PDZD2: variants seen among roughly 807,000 people sequenced by gnomAD.
PDZD2 encodes PDZ domain containing 2, also known as PDZ domain-containing protein 2.
A neutral mutation model predicts 220.7 loss-of-function variants in PDZD2; 90 were observed. The ratio of observed to expected loss-of-function variants is 0.41; its 90% CI spans 0.34 to 0.49. The LOEUF is 0.49. PDZD2 is among the 20% of genes least tolerant of loss of function. The pLI is 0.28. For missense variants in PDZD2, 3,174 were observed against 3,608.5 expected, an observed-to-expected ratio of 0.88 and a Z score of 3.08; for synonymous variants, 1,375 against 1,450.5, an observed-to-expected ratio of 0.95 and a Z score of 1.18.
At chr5:31,882,211 G>A (rs1739995082) in intron 2 of PDZD2, among the ~76,000 whole-genome samples, 1 of 152,176 alleles carries the variant, frequency 6.6e-6, no homozygotes, top group Non-Finnish European at 1.5e-5. Context: ...TGAAGCATAA[G>A]GCCTATTGCT....
chr5:31,957,091 C>T (rs895793588), intron 2 of PDZD2, among the ~76,000 whole-genome samples: 1 of 152,122 alleles, frequency 6.6e-6, no homozygotes, highest in Non-Finnish European at 1.5e-5. Flanking sequence ...TTCTGATTCT[C>T]TATGTTCTCA....
At chr5:31,885,029 C>A (rs148504196) in intron 2 of PDZD2, among the ~76,000 whole-genome samples, 1 of 151,428 alleles carries the variant, frequency 6.6e-6, no homozygotes, top group Non-Finnish European at 1.5e-5. Flanking sequence ...CCAAGAGAAA[C>A]GTACAAAACA....
intron 1 of PDZD2, among the ~76,000 whole-genome samples, chr5:31,785,105 G>A (rs1304809221): frequency 2.6e-5 from 4 of 152,208 alleles, no homozygotes; most frequent in Middle Eastern, 3.4e-3. Flanking sequence ...TGCCTTCAGG[G>A]TAAGCATGCA....
At chr5:32,059,201 T>C (rs746353681) in intron 12 of PDZD2, 38 bp from the exon 13 acceptor site, 1 of 1,120,346 alleles carries the variant, frequency 8.9e-7, no homozygotes, top group South Asian at 1.3e-5. Context: ...GATTGTGTAA[T>C]TTTTGTTTTT....
intron 1 of PDZD2, among the ~76,000 whole-genome samples, chr5:31,732,433 C>CA (rs1266108737): frequency 6.6e-6 from 1 of 152,202 alleles, no homozygotes; most frequent in Non-Finnish European, 1.5e-5. Flanking sequence ...ACCTCAGATG[C>CA]AAAGACCGGC....
chr5:31,688,331 C>G (rs1356578492), intron 1 of PDZD2, among the ~76,000 whole-genome samples: 1 of 152,182 alleles, frequency 6.6e-6, no homozygotes, highest in Non-Finnish European at 1.5e-5. Flanking sequence ...CCTGGTGAGA[C>G]TAACCAAGTC....
intron 2 of PDZD2, among the ~76,000 whole-genome samples, chr5:31,965,891 C>T (rs531516191): frequency 3.0e-4 from 46 of 151,974 alleles, no homozygotes; most frequent in Non-Finnish European, 5.2e-4. Context: ...AGTGAAACTC[C>T]GTCTCCAAAA....
At chr5:31,681,698 T>G (rs1746657290) in intron 1 of PDZD2, among the ~76,000 whole-genome samples, 1 of 152,196 alleles carries the variant, frequency 6.6e-6, no homozygotes, top group Admixed American at 6.5e-5. Context: ...ACTATAAAAC[T>G]TCTCAAAAGT....
At chr5:31,820,381 G>C (rs996976406) in intron 2 of PDZD2, among the ~76,000 whole-genome samples, 1 of 144,924 alleles carries the variant, frequency 6.9e-6, no homozygotes, top group African/African-American at 2.5e-5. Flanking sequence ...AGTGGAACCA[G>C]ATTGGTCTGG....
chr5:32,014,980 C>T (rs1217969746), intron 6 of PDZD2, among the ~76,000 whole-genome samples: 12 of 115,820 alleles, frequency 1.0e-4, no homozygotes, highest in Non-Finnish European at 1.5e-4. Flanking sequence ...CTCACTCTGT[C>T]GCCCAGGCTG....
chr5:31,850,826 C>T (rs528801002), intron 2 of PDZD2, among the ~76,000 whole-genome samples: 63 of 151,948 alleles, frequency 4.1e-4, no homozygotes, highest in Admixed American at 1.4e-3. Context: ...TTAGTAGAGA[C>T]GGAGTTTCGC....
intron 1 of PDZD2, among the ~76,000 whole-genome samples, chr5:31,710,961 G>T (rs1257885056): frequency 6.6e-6 from 1 of 152,126 alleles, no homozygotes; most frequent in East Asian, 1.9e-4. Context: ...CGTACATGTT[G>T]TAAAAAGAAA....
At chr5:31,822,643 GT>G in intron 2 of PDZD2, 1 of 1,332,182 alleles carries the variant, frequency 7.5e-7, no homozygotes, top group South Asian at 1.2e-5. Flanking sequence ...TTTTAACCTT[GT>G]GGCTTGCTGA....
intron 20 of PDZD2, among the ~76,000 whole-genome samples, chr5:32,092,500 A>C (rs1487320489): frequency 6.6e-6 from 1 of 152,132 alleles, no homozygotes; most frequent in Non-Finnish European, 1.5e-5. Flanking sequence ...TGAACCCAGG[A>C]GGTAGAGGTT....
chr5:31,947,411 C>A (rs1321038016), intron 2 of PDZD2, among the ~76,000 whole-genome samples: 1 of 152,218 alleles, frequency 6.6e-6, no homozygotes, highest in East Asian at 1.9e-4. Context: ...AGCTGACAGG[C>A]CCCTGGAATG....
chr5:31,864,568 G>T (rs1170600332), intron 2 of PDZD2, among the ~76,000 whole-genome samples: 1 of 150,798 alleles, frequency 6.6e-6, no homozygotes, highest in Admixed American at 6.6e-5. Context: ...CGCCCAGGCT[G>T]GAGTGCAATG....
intron 1 of PDZD2, among the ~76,000 whole-genome samples, chr5:31,736,997 G>C (rs1332433565): frequency 6.7e-6 from 1 of 148,560 alleles, no homozygotes; most frequent in Non-Finnish European, 1.5e-5. Context: ...CCAGCACTAT[G>C]CTTCCTATAC....
chr5:32,101,824 G>C (rs1744278036), intron 24 of PDZD2, among the ~76,000 whole-genome samples: 1 of 152,082 alleles, frequency 6.6e-6, no homozygotes, highest in South Asian at 2.1e-4. Context: ...TTTTGGTCTT[G>C]GGCGGTTTTT....
At chr5:31,955,683 C>CTTTTTTTTTTTTTTTT (rs34964306) in intron 2 of PDZD2, among the ~76,000 whole-genome samples, 9 of 116,836 alleles carry the variant, frequency 7.7e-5, no homozygotes, top group Non-Finnish European at 1.4e-4. Context: ...GGGCTCTGTT[C>CTTTTTTTTTTTTTTTT]TTTTTTTTTT....
Sources: allele counts gnomAD v4.1 joint callset (sites outside exome capture counted in the v4.1 genomes callset), GRCh38; gene constraint gnomAD v4.1.1; transcripts MANE v1.5; gene names NCBI Gene and HGNC (gene_info 2026-07-23, HGNC 2026-07-21).